SCFD2: variants seen among roughly 807,000 people sequenced by gnomAD.
SCFD2 encodes the protein sec1 family domain-containing protein 2.
Under a neutral mutation model 58.9 loss-of-function variants are expected in SCFD2, and 54 were observed. The ratio of observed to expected loss-of-function variants is 0.92; its 90% confidence interval spans 0.74 to 1.15. The LOEUF (loss-of-function observed/expected upper bound fraction) is 1.15, where lower values mean the gene tolerates loss of function less well. Among genes scored for constraint, SCFD2 ranks in the 50% most tolerant of loss-of-function variants. SCFD2 has a pLI of 0.00. For missense variants in SCFD2, 805 were observed against 836.6 expected (o/e 0.96, Z 0.47); for synonymous variants, 321 against 335.9 (o/e 0.96, Z 0.49).
chr4:52,889,323 A>T (rs906992802), intron 7 of SCFD2, among the ~76,000 whole-genome samples: 6 of 152,276 alleles, frequency 3.9e-5, no homozygotes, highest in Non-Finnish European at 7.3e-5. Flanking sequence ...TATCCTTAGA[A>T]AGCAAACACA....
At chr4:52,881,487 C>T (rs1456913234) in intron 8 of SCFD2, among the ~76,000 whole-genome samples, 1 of 152,204 alleles carries the variant, frequency 6.6e-6, no homozygotes, top group Non-Finnish European at 1.5e-5. Flanking sequence ...GTAGGAATGT[C>T]TCTAGCTTGG....
intron 3 of SCFD2, among the ~76,000 whole-genome samples, chr4:53,284,174 G>C (rs1365097349): frequency 1.3e-5 from 2 of 149,642 alleles, no homozygotes; most frequent in Non-Finnish European, 3.0e-5. Flanking sequence ...TGTAATGTAT[G>C]ATTGATAAGT....
chr4:53,298,787 C>T (rs1249239366), intron 3 of SCFD2, among the ~76,000 whole-genome samples: 1 of 152,132 alleles, frequency 6.6e-6, no homozygotes, highest in Non-Finnish European at 1.5e-5. Flanking sequence ...TGCAGTTCAC[C>T]AATATCCGCT....
At chr4:53,273,749 T>C (rs1731245800) in intron 4 of SCFD2, 77 bp downstream of exon 4, 7 of 1,261,388 alleles carry the variant, frequency 5.5e-6, no homozygotes, top group Middle Eastern at 1.9e-4. Context: ...ACTAAGGCTA[T>C]AATAAATGTC....
At chr4:53,023,279 C>CT (rs746852412) in intron 5 of SCFD2, among the ~76,000 whole-genome samples, 1 of 152,172 alleles carries the variant, frequency 6.6e-6, no homozygotes, top group African/African-American at 2.4e-5. Flanking sequence ...GAGTTGACAT[C>CT]TGCAATGGGT....
intron 4 of SCFD2, among the ~76,000 whole-genome samples, chr4:53,154,083 C>T (rs1227761557): frequency 2.6e-5 from 4 of 152,212 alleles, no homozygotes; most frequent in African/African-American, 7.2e-5. Context: ...CTCTTCCAGC[C>T]TCTGCCTATT....
chr4:52,896,487 T>A (rs1346921813), intron 7 of SCFD2, among the ~76,000 whole-genome samples: 2 of 152,204 alleles, frequency 1.3e-5, no homozygotes, highest in African/African-American at 4.8e-5. Flanking sequence ...GCGGCATTAT[T>A]TCTGAGGGCT....
intron 6 of SCFD2, among the ~76,000 whole-genome samples, chr4:52,920,126 G>T (rs1719699506): frequency 6.6e-6 from 1 of 152,056 alleles, no homozygotes; most frequent in African/African-American, 2.4e-5. Flanking sequence ...TTCCCTTTGG[G>T]TCTTTCTATG....
intron 5 of SCFD2, among the ~76,000 whole-genome samples, chr4:52,946,605 T>C (rs918068780): frequency 2.0e-5 from 3 of 152,204 alleles, no homozygotes; most frequent in Admixed American, 1.3e-4. Context: ...ACAATCACTA[T>C]GTTTTCATCT....
At chr4:53,174,549 G>A (rs1577802988) in intron 4 of SCFD2, among the ~76,000 whole-genome samples, 1 of 152,120 alleles carries the variant, frequency 6.6e-6, no homozygotes, top group Admixed American at 6.6e-5. Flanking sequence ...CAAAATGTTA[G>A]TCATCTTTGT....
chr4:53,301,970 C>G (rs931152103), intron 3 of SCFD2, among the ~76,000 whole-genome samples: 1 of 152,094 alleles, frequency 6.6e-6, no homozygotes, highest in East Asian at 1.9e-4. Context: ...TAAGAGCTAT[C>G]TATGACAAAC....
intron 4 of SCFD2, among the ~76,000 whole-genome samples, chr4:53,159,021 A>G (rs1293693128): frequency 6.6e-6 from 1 of 152,086 alleles, no homozygotes; most frequent in Non-Finnish European, 1.5e-5. Flanking sequence ...CCTAAATTTA[A>G]TTATCTATTC....
chr4:53,126,659 T>G (rs1206199237), intron 5 of SCFD2, among the ~76,000 whole-genome samples: 4 of 152,178 alleles, frequency 2.6e-5, no homozygotes, highest in Non-Finnish European at 1.5e-5. Context: ...GAATTTACCT[T>G]CCTTCTTAAA....
At chr4:53,071,110 A>G (rs770732076) in intron 5 of SCFD2, among the ~76,000 whole-genome samples, 7 of 152,046 alleles carry the variant, frequency 4.6e-5, no homozygotes, top group Non-Finnish European at 1.0e-4. Context: ...TGTTGGCTCG[A>G]ATGTAGATAT....
chr4:53,134,777 G>A (rs3849655), intron 5 of SCFD2, among the ~76,000 whole-genome samples: 147,912 of 152,270 alleles, frequency 0.97, 71,971 homozygotes, highest in Middle Eastern at 1. Context: ...AAGACCTAGA[G>A]CTCAATTAGT....
At chr4:53,360,998 C>T (rs1360643474) in intron 1 of SCFD2, among the ~76,000 whole-genome samples, 1 of 152,142 alleles carries the variant, frequency 6.6e-6, no homozygotes, top group Non-Finnish European at 1.5e-5. Context: ...CCCCTTTCAA[C>T]ATTAAATATT....
intron 5 of SCFD2, among the ~76,000 whole-genome samples, chr4:52,944,892 C>A (rs7696943): frequency 0.018 from 2,681 of 152,234 alleles, 99 homozygotes; most frequent in African/African-American, 0.062. Context: ...GATAATCAAA[C>A]CTTCCATGTC....
At chr4:52,932,384 A>C (rs1425595274) in intron 5 of SCFD2, among the ~76,000 whole-genome samples, 1 of 152,214 alleles carries the variant, frequency 6.6e-6, no homozygotes, top group Non-Finnish European at 1.5e-5. Context: ...GGCATACTTA[A>C]AAGCCTTTCA....
intron 5 of SCFD2, among the ~76,000 whole-genome samples, chr4:53,096,292 T>C (rs1724630996): frequency 6.6e-6 from 1 of 152,166 alleles, no homozygotes; most frequent in African/African-American, 2.4e-5. Context: ...GGAATCGCCA[T>C]GCTGTCTTCC....
Sources: gnomAD v4.1 joint callset for allele counts (sites outside exome capture counted in the v4.1 genomes callset) on GRCh38, gnomAD v4.1.1 for gene constraint, MANE v1.5 for transcripts, NCBI Gene and HGNC (gene_info 2026-07-23, HGNC 2026-07-21) for gene names.